Variants in FAM117B observed in about 807,000 individuals in gnomAD.
FAM117B encodes the protein family with sequence similarity 117 member B, also known as protein FAM117B.
Under a neutral mutation model 52.8 loss-of-function variants are expected in FAM117B, and 22 were observed. The ratio of observed to expected loss-of-function variants is 0.42; its 90% CI spans 0.30 to 0.59. The LOEUF is 0.59. FAM117B is among the 20% of genes least tolerant of loss of function. The pLI, the probability that FAM117B is intolerant of heterozygous loss-of-function variation, is 0.22. For missense variants in FAM117B, 678 were observed against 802.6 expected (o/e 0.84, Z 1.88); for synonymous variants, 309 against 324.1 (o/e 0.95, Z 0.50).
intron 4 of FAM117B, among the ~76,000 whole-genome samples, chr2:202,745,721 AAC>A (rs1691621321): frequency 1.3e-5 from 2 of 152,194 alleles, no homozygotes; most frequent in Admixed American, 6.5e-5. Context: ...CCCCTGTAAA[AAC>A]ACATATTGAT....
At chr2:202,658,595 C>T (rs1270628044) in intron 1 of FAM117B, among the ~76,000 whole-genome samples, 1 of 152,172 alleles carries the variant, frequency 6.6e-6, no homozygotes, top group Non-Finnish European at 1.5e-5. Context: ...AGCCACTGTG[C>T]CCAGCCTAAG....
At chr2:202,709,698 G>A (rs1426231171) in intron 2 of FAM117B, among the ~76,000 whole-genome samples, 3 of 152,092 alleles carry the variant, frequency 2.0e-5, no homozygotes, top group Non-Finnish European at 4.4e-5. Flanking sequence ...TGCTTTTGAT[G>A]TCATAGCCAT....
At chr2:202,637,155 C>T (rs1299297218) in intron 1 of FAM117B, among the ~76,000 whole-genome samples, 3 of 152,226 alleles carry the variant, frequency 2.0e-5, no homozygotes, top group Non-Finnish European at 2.9e-5. Context: ...CCTTGGCTTC[C>T]CAGAATGCTG....
At chr2:202,702,041 A>C (rs1690802412) in intron 2 of FAM117B, among the ~76,000 whole-genome samples, 1 of 152,160 alleles carries the variant, frequency 6.6e-6, no homozygotes, top group Non-Finnish European at 1.5e-5. Flanking sequence ...CTACAGAAAA[A>C]TCTTTTGTGA....
chr2:202,668,183 A>G (rs967758834), intron 1 of FAM117B, among the ~76,000 whole-genome samples: 2 of 144,802 alleles, frequency 1.4e-5, no homozygotes, highest in Non-Finnish European at 3.0e-5. Flanking sequence ...ATATTATATT[A>G]TATAATATAT....
At chr2:202,670,978 A>G (rs1307988533) in intron 1 of FAM117B, among the ~76,000 whole-genome samples, 1 of 152,230 alleles carries the variant, frequency 6.6e-6, no homozygotes. Flanking sequence ...GCAAAGCTTT[A>G]CTAATTTTTG....
chr2:202,640,344 G>T (rs1256663179), intron 1 of FAM117B, among the ~76,000 whole-genome samples: 3 of 56,252 alleles, frequency 5.3e-5, no homozygotes, highest in Non-Finnish European at 6.8e-5. Context: ...ATATATATAT[G>T]GCAAGTCGTG....
At chr2:202,707,971 T>C (rs1690899621) in intron 2 of FAM117B, among the ~76,000 whole-genome samples, 1 of 152,044 alleles carries the variant, frequency 6.6e-6, no homozygotes, top group African/African-American at 2.4e-5. Context: ...GGTTTCACCA[T>C]GTTGGCCAGG....
chr2:202,638,340 C>G (rs1357334506), intron 1 of FAM117B, among the ~76,000 whole-genome samples: 1 of 152,174 alleles, frequency 6.6e-6, no homozygotes, highest in Non-Finnish European at 1.5e-5. Flanking sequence ...GAATCTGGCT[C>G]TCTTAACAAC....
intron 1 of FAM117B, among the ~76,000 whole-genome samples, chr2:202,667,462 CTGTG>C (rs764616974): frequency 1.3e-5 from 2 of 151,466 alleles, no homozygotes; most frequent in Non-Finnish European, 3.0e-5. Flanking sequence ...GTCTGTGTGT[CTGTG>C]TGTGTGTGTC....
At position 202,769,574 on chromosome 2, in the gene FAM117B, G is replaced by GACA; in HGVS notation, c.*3810_*3811insACA. On this transcript the variant is annotated 3_prime_UTR_variant, in exon 8 of 8. Transcript: ENST00000392238. The stretch of plus-strand genomic sequence containing the variant: ...CATTTTTTGTCTCTGTGGAAGCTGT[G>GACA]TAACTCTTTTTAAAATGCAATTTAA... The GACA allele has an allele frequency of 6.6e-6, 1 of 152,522 alleles. No individual in the cohort carries two copies. The highest frequency in any genetic ancestry group is 2.4e-5 in the African/African-American group (1 of 41,484). 9.4% of individuals were successfully genotyped at this position (152,522 alleles called of 1,614,324 possible).
intron 1 of FAM117B, among the ~76,000 whole-genome samples, chr2:202,651,437 A>G (rs1456436830): frequency 3.3e-5 from 5 of 151,796 alleles, no homozygotes; most frequent in South Asian, 2.1e-4. Context: ...CAATGGCACA[A>G]TCTTGGCTCA....
intron 3 of FAM117B, 27 bp from the exon 4 acceptor site, chr2:202,726,223 G>T (rs562887167): frequency 2.7e-4 from 402 of 1,506,762 alleles, no homozygotes; most frequent in Middle Eastern, 6.8e-4. Context: ...AAACACTCTG[G>T]TGTACTTGCT....
intron 6 of FAM117B, among the ~76,000 whole-genome samples, chr2:202,757,648 T>C (rs912458883): frequency 6.6e-6 from 1 of 152,226 alleles, no homozygotes; most frequent in African/African-American, 2.4e-5. Context: ...TTTTGTTAGT[T>C]TGTAGCTCTT....
chr2:202,764,530 A>G (rs1216737356), intron 7 of FAM117B, among the ~76,000 whole-genome samples: 4 of 152,056 alleles, frequency 2.6e-5, no homozygotes, highest in Admixed American at 6.5e-5. Flanking sequence ...TCAGACTCCC[A>G]AAGTGCTGAA....
intron 2 of FAM117B, among the ~76,000 whole-genome samples, chr2:202,704,053 A>G (rs1289156533): frequency 1.3e-5 from 2 of 152,194 alleles, no homozygotes; most frequent in East Asian, 3.8e-4. Flanking sequence ...CATATAACTA[A>G]TGGTGCTGAG....
chr2:202,652,250 C>T (rs1689968377), intron 1 of FAM117B, among the ~76,000 whole-genome samples: 1 of 151,970 alleles, frequency 6.6e-6, no homozygotes, highest in African/African-American at 2.4e-5. Context: ...AGGTGCATGC[C>T]ACCTTGCCAG....
At chr2:202,683,066 G>C (rs930139989) in intron 1 of FAM117B, among the ~76,000 whole-genome samples, 6 of 152,270 alleles carry the variant, frequency 3.9e-5, no homozygotes, top group Admixed American at 3.9e-4. Flanking sequence ...AGTGGCTCAT[G>C]CCTATAATCC....
chr2:202,717,646 C>G (rs1472263083), intron 2 of FAM117B, among the ~76,000 whole-genome samples: 4 of 152,162 alleles, frequency 2.6e-5, no homozygotes, highest in African/African-American at 9.6e-5. Flanking sequence ...GGTTCTGTTT[C>G]TTTCTCCCAA....
Sources: gnomAD v4.1 joint callset for allele counts (sites outside exome capture counted in the v4.1 genomes callset) on GRCh38, gnomAD v4.1.1 for gene constraint, MANE v1.5 for transcripts, NCBI Gene and HGNC (gene_info 2026-07-23, HGNC 2026-07-21) for gene names.